Variants in ANK2 observed in about 807,000 individuals in gnomAD.
The protein encoded by ANK2 is ankyrin-2.
ANK2 carries 83 observed loss-of-function variants against 360.5 expected under a neutral mutation model. That is an observed-to-expected ratio of 0.23 (90% CI 0.19 to 0.28). ANK2 has a LOEUF of 0.28. Among genes scored for constraint, ANK2 ranks in the 10% least tolerant of loss-of-function variants. ANK2 has a pLI of 1.00. For missense variants in ANK2, 4,201 were observed against 4,795.7 expected (o/e 0.88, Z 3.66); for synonymous variants, 1,740 against 1,759.5 (o/e 0.99, Z 0.28).
chr4:112,736,901 A>G, the ANK2 span, among the ~76,000 whole-genome samples: 2 of 152,218 alleles, frequency 1.3e-5, no homozygotes, highest in African/African-American at 4.8e-5. Context: ...AGTGACAGTA[A>G]TTCTCCCTTG....
intron 1 of ANK2, among the ~76,000 whole-genome samples, chr4:112,857,114 C>T (rs2066634242): frequency 6.6e-6 from 1 of 151,942 alleles, no homozygotes; most frequent in South Asian, 2.1e-4. Context: ...GCAGGTCTGG[C>T]AAAGATGGAG....
chr4:113,109,414 T>C (rs1201090261), intron 1 of ANK2, among the ~76,000 whole-genome samples: 1 of 152,320 alleles, frequency 6.6e-6, no homozygotes, highest in East Asian at 1.9e-4. Flanking sequence ...TGAGTTTTGT[T>C]GTAAGTCTCG....
At chr4:113,251,475 C>CTTTTTTTTTTT (rs1167630240) in intron 10 of ANK2, among the ~76,000 whole-genome samples, 1 of 88,098 alleles carries the variant, frequency 1.1e-5, no homozygotes, top group Non-Finnish European at 2.1e-5. Context: ...AATACAAAAT[C>CTTTTTTTTTTT]TTTTTTTTTT....
chr4:113,112,470 G>A (rs765039095), intron 1 of ANK2, among the ~76,000 whole-genome samples: 51 of 152,132 alleles, frequency 3.4e-4, no homozygotes, highest in Non-Finnish European at 6.6e-4. Flanking sequence ...CTGAACTGTG[G>A]CTTTTTCAGT....
At chr4:112,850,980 A>T (rs1450201577) in intron 1 of ANK2, among the ~76,000 whole-genome samples, 2 of 152,112 alleles carry the variant, frequency 1.3e-5, no homozygotes, top group Admixed American at 1.3e-4. Context: ...CAGCAACACC[A>T]TGTATGATTT....
intron 2 of ANK2, among the ~76,000 whole-genome samples, chr4:113,186,026 C>T (rs1395631142): frequency 2.6e-5 from 4 of 152,180 alleles, no homozygotes; most frequent in Non-Finnish European, 5.9e-5. Context: ...AGCAGTGGAT[C>T]TCCCAGCACA....
intron 10 of ANK2, 32 bp from the exon 11 acceptor site, chr4:113,255,703 A>AT: frequency 6.2e-7 from 1 of 1,600,420 alleles, no homozygotes; most frequent in Non-Finnish European, 8.6e-7. Context: ...AAAAAAAAAA[A>AT]GGACATTATT....
At position 112,917,597 on chromosome 4, in the gene ANK2, G is replaced by C. The variant is rs146309664; in HGVS notation, c.21+13083G>C. On this transcript the variant is annotated intron_variant, in intron 2 of 30. Transcript: ENST00000503271. ...TAAACCTCAACTGTTTGGTTATTAAGATATATTATTAGATGACATACATAT... is the reference window on the plus strand; with the variant it reads ...TAAACCTCAACTGTTTGGTTATTAACATATATTATTAGATGACATACATAT... Among the ~76,000 whole-genome samples the C allele has an allele frequency of 2.7e-3, 418 of 152,328 alleles. 4 individuals carry two copies. Among genetic ancestry groups the C allele is most frequent in the African/African-American group, 9.4e-3 (392 of 41,568 alleles).
At chr4:113,269,806 A>G (rs1214180611) in intron 14 of ANK2, among the ~76,000 whole-genome samples, 1 of 152,158 alleles carries the variant, frequency 6.6e-6, no homozygotes, top group African/African-American at 2.4e-5. Flanking sequence ...TCCTTTCTAG[A>G]CTTTCTTAAC....
At chr4:113,051,125 G>C (rs2154323909) in intron 1 of ANK2, among the ~76,000 whole-genome samples, 1 of 152,122 alleles carries the variant, frequency 6.6e-6, no homozygotes, top group East Asian at 1.9e-4. Context: ...TAGACCTTGA[G>C]GGCATTTTTA....
chr4:113,091,370 T>A (rs913664887), intron 1 of ANK2, among the ~76,000 whole-genome samples: 1 of 152,208 alleles, frequency 6.6e-6, no homozygotes, highest in Non-Finnish European at 1.5e-5. Flanking sequence ...AGTAGACCTT[T>A]CTTTTGATCA....
At position 113,286,931 on chromosome 4, in the gene ANK2, T is replaced by C. The variant is rs116155783; in HGVS notation, c.2080-674T>C. On this transcript the variant is annotated intron_variant, in intron 18 of 45. Coordinates refer to ENST00000357077, the MANE Select transcript of ANK2 (RefSeq NM_001148.6). ...TGGCTGAATAAGCCACTTTCCCCCA[T>C]CTTTTCTCCATGCCTTTCTTTTTTT... Among the ~76,000 whole-genome samples the C allele has an allele frequency of 9.9e-3, 1,514 of 152,302 alleles. 16 individuals are homozygous for C. The highest frequency in any genetic ancestry group is 0.02 in the South Asian group (95 of 4,834).
chr4:112,931,711 A>G (rs2154237784), intron 2 of ANK2, among the ~76,000 whole-genome samples: 1 of 152,208 alleles, frequency 6.6e-6, no homozygotes, highest in East Asian at 1.9e-4. Flanking sequence ...CACTTGAAGT[A>G]ACTGTAGGTT....
chr4:113,354,118 T>C lies in ANK2; in HGVS notation c.5500T>C (p.Ser1834Pro), dbSNP rs1563996737. 6.2e-7 allele frequency: 1 copy of C among 1,614,050 alleles called. No individual in the cohort carries two copies. ...TAAAACAGAAAGACACTCTACTCTT[T>C]CCTCTTCCGCAAAAACTGAAAGGCA... The part of the protein sequence containing the change: ...SPKTERHSTL[S>P]SSAKTERHPP... Residue 1834 changes from serine (S) to proline (P), a missense_variant, in exon 38 of 46, where the codon TCC (serine) becomes CCC (proline). By Grantham distance (74) the Ser-to-Pro change is moderately conservative. Transcript: ENST00000357077.
rs1482914715 is a variant in ANK2 at position 113,333,168 on chromosome 4, T to C, written c.3339T>C (p.Thr1113=). 3.1e-6 allele frequency: 5 copies of C among 1,614,108 alleles called. No homozygotes were observed. The African/African-American group carries it at 4.0e-5, about 13-fold the overall frequency. ...GGAAAGAGCATTTCTGTGACTACAC[T>C]GAAGATGAATTGAATGAAATTCTTA... The part of the protein sequence containing the change: ...DSWKEHFCDY[T]EDELNEILNG... The change falls in exon 29 of 46, where the codon ACT becomes ACC. Residue 1113 remains threonine (T), a synonymous_variant. Transcript: ENST00000357077.
intron 1 of ANK2, among the ~76,000 whole-genome samples, chr4:113,164,133 C>G (rs888267268): frequency 5.3e-5 from 8 of 152,116 alleles, no homozygotes; most frequent in Non-Finnish European, 8.8e-5. Flanking sequence ...GGTGCGGTGG[C>G]TCACACCTGT....
chr4:112,956,556 G>T (rs2095339080), intron 2 of ANK2, among the ~76,000 whole-genome samples: 1 of 152,322 alleles, frequency 6.6e-6, no homozygotes, highest in Non-Finnish European at 1.5e-5. Flanking sequence ...TAGTGGGCGG[G>T]CAGCATAGAC....
At chr4:113,099,160 A>G (rs2092319710) in intron 1 of ANK2, among the ~76,000 whole-genome samples, 1 of 151,990 alleles carries the variant, frequency 6.6e-6, no homozygotes, top group Non-Finnish European at 1.5e-5. Flanking sequence ...AGCTAATACA[A>G]TAACACAAGA....
At chr4:113,368,088 C>A (rs1016222432) in intron 42 of ANK2, among the ~76,000 whole-genome samples, 5 of 152,176 alleles carry the variant, frequency 3.3e-5, no homozygotes, top group African/African-American at 1.2e-4. Context: ...TTGAACAAGT[C>A]CTTATGTGCT....
Sources: allele counts gnomAD v4.1 joint callset (sites outside exome capture counted in the v4.1 genomes callset), GRCh38; gene constraint gnomAD v4.1.1; transcripts MANE v1.5; gene names NCBI Gene and HGNC (gene_info 2026-07-23, HGNC 2026-07-21).